The following PCDH15 variants were observed in gnomAD, a reference collection of about 807,000 sequenced individuals.
The protein encoded by PCDH15 is protocadherin related 15.
A neutral mutation model predicts 178.5 loss-of-function variants in PCDH15; 129 were observed. That is an observed-to-expected ratio of 0.72 (90% CI 0.63 to 0.84). The LOEUF (loss-of-function observed/expected upper bound fraction) is 0.84. PCDH15 is among the 40% of genes least tolerant of loss of function. The pLI is 0.00. For missense variants in PCDH15, 2,230 were observed against 2,099.9 expected, an observed-to-expected ratio of 1.06 and a Z score of -1.21; for synonymous variants, 800 against 732.0, an observed-to-expected ratio of 1.09 and a Z score of -1.50.
At chr10:54,737,127 A>G (rs1944228014) in intron 1 of PCDH15, among the ~76,000 whole-genome samples, 1 of 152,092 alleles carries the variant, frequency 6.6e-6, no homozygotes, top group African/African-American at 2.4e-5. Context: ...AGAAGCACAG[A>G]AAGGACCTGA....
At chr10:54,178,859 C>T (rs1050633806) in intron 13 of PCDH15, among the ~76,000 whole-genome samples, 20 of 152,058 alleles carry the variant, frequency 1.3e-4, no homozygotes, top group Non-Finnish European at 2.5e-4. Context: ...AAATCAAAAC[C>T]ACAATGAGAT....
At chr10:54,759,952 T>G (rs1360376818) in intron 1 of PCDH15, among the ~76,000 whole-genome samples, 3 of 152,180 alleles carry the variant, frequency 2.0e-5, no homozygotes, top group Non-Finnish European at 4.4e-5. Context: ...CTGCACCCTT[T>G]ATTTCATGAC....
At chr10:54,917,433 C>G (rs926543970) in intron 2 of PCDH15, among the ~76,000 whole-genome samples, 3 of 152,156 alleles carry the variant, frequency 2.0e-5, no homozygotes, top group African/African-American at 7.2e-5. Context: ...ATAAGGGACT[C>G]CTTCCTTACC....
At chr10:54,215,240 G>C (rs1167987631) in intron 9 of PCDH15, among the ~76,000 whole-genome samples, 1 of 152,028 alleles carries the variant, frequency 6.6e-6, no homozygotes, top group Admixed American at 6.6e-5. Context: ...TAAAAATCCA[G>C]GCTGCCAGAT....
At chr10:55,437,282 C>A (rs1839064054) in intron 2 of PCDH15, among the ~76,000 whole-genome samples, 1 of 152,136 alleles carries the variant, frequency 6.6e-6, no homozygotes, top group Non-Finnish European at 1.5e-5. Context: ...GCAGGGCATG[C>A]ACAGATAAAG....
At chr10:54,352,056 G>A (rs1247996048) in intron 5 of PCDH15, among the ~76,000 whole-genome samples, 2 of 152,004 alleles carry the variant, frequency 1.3e-5, no homozygotes, top group East Asian at 1.9e-4. Context: ...AATTCCACTG[G>A]CATCAATATC....
chr10:53,958,826 A>C (rs2134261341), intron 23 of PCDH15, among the ~76,000 whole-genome samples: 1 of 151,974 alleles, frequency 6.6e-6, no homozygotes, highest in Admixed American at 6.6e-5. Context: ...GAAAATACAA[A>C]AAATTAGCCA....
At chr10:54,908,577 A>G (rs558060641) in intron 2 of PCDH15, among the ~76,000 whole-genome samples, 5 of 152,318 alleles carry the variant, frequency 3.3e-5, no homozygotes, top group Admixed American at 1.3e-4. Flanking sequence ...TTACAGTTAC[A>G]GCTCTTTTAG....
At chr10:55,262,590 G>A (rs573731345) in intron 1 of PCDH15, among the ~76,000 whole-genome samples, 1 of 152,276 alleles carries the variant, frequency 6.6e-6, no homozygotes, top group African/African-American at 2.4e-5. Flanking sequence ...TCGACCAGCA[G>A]AACAATGCAG....
At chr10:53,930,260 C>A (rs1332411514) in intron 25 of PCDH15, among the ~76,000 whole-genome samples, 4 of 151,824 alleles carry the variant, frequency 2.6e-5, no homozygotes, top group Non-Finnish European at 5.9e-5. Flanking sequence ...AGATCGAGAT[C>A]ATCCTGGCTA....
At chr10:54,114,643 C>G (rs946016987) in intron 15 of PCDH15, among the ~76,000 whole-genome samples, 1 of 152,076 alleles carries the variant, frequency 6.6e-6, no homozygotes, top group African/African-American at 2.4e-5. Context: ...TAACAGAAAG[C>G]ACAGCATGTT....
intron 2 of PCDH15, among the ~76,000 whole-genome samples, chr10:55,578,179 G>T (rs72788844): frequency 0.02 from 3,096 of 151,766 alleles, 50 homozygotes; most frequent in Non-Finnish European, 0.037. Flanking sequence ...CTGAAACACA[G>T]GATTATTTTA....
chr10:55,482,093 C>T (rs142076276), intron 2 of PCDH15, among the ~76,000 whole-genome samples: 79 of 151,698 alleles, frequency 5.2e-4, no homozygotes, highest in African/African-American at 1.8e-3. Context: ...GCCTTTTTGG[C>T]TTTTTTGATC....
At chr10:54,082,828 C>T (rs2094455771) in intron 16 of PCDH15, among the ~76,000 whole-genome samples, 1 of 151,008 alleles carries the variant, frequency 6.6e-6, no homozygotes, top group Admixed American at 6.6e-5. Context: ...ACGCATATAA[C>T]TGGAGAAAAT....
At chr10:54,391,567 C>T (rs1950549628) in intron 3 of PCDH15, among the ~76,000 whole-genome samples, 2 of 148,598 alleles carry the variant, frequency 1.3e-5, no homozygotes, top group Admixed American at 1.3e-4. Flanking sequence ...ACAAGGAATA[C>T]AGAAGAAAAA....
intron 3 of PCDH15, among the ~76,000 whole-genome samples, chr10:54,476,277 G>C (rs1270320362): frequency 6.6e-6 from 1 of 151,994 alleles, no homozygotes; most frequent in South Asian, 2.1e-4. Context: ...CATGCTGCCT[G>C]ATGTTGCTGC....
chr10:54,177,592 A>G (rs1190927765), intron 13 of PCDH15, among the ~76,000 whole-genome samples: 1 of 152,002 alleles, frequency 6.6e-6, no homozygotes, highest in Non-Finnish European at 1.5e-5. Context: ...TGCTCAAAAA[A>G]AATCTTTAAC....
At chr10:54,980,163 A>G (rs1234942259) in intron 2 of PCDH15, among the ~76,000 whole-genome samples, 1 of 152,188 alleles carries the variant, frequency 6.6e-6, no homozygotes, top group Non-Finnish European at 1.5e-5. Flanking sequence ...TAGGATATAA[A>G]TAACTTTCAC....
At chr10:53,830,001 TAAG>T (rs1194148175) in intron 30 of PCDH15, among the ~76,000 whole-genome samples, 1 of 152,160 alleles carries the variant, frequency 6.6e-6, no homozygotes, top group African/African-American at 2.4e-5. Context: ...GATGACAGTT[TAAG>T]AATACATAAG....
Sources: gnomAD v4.1 joint callset for allele counts (sites outside exome capture counted in the v4.1 genomes callset) on GRCh38, gnomAD v4.1.1 for gene constraint, MANE v1.5 for transcripts, NCBI Gene and HGNC (gene_info 2026-07-23, HGNC 2026-07-21) for gene names.